The following AP3S2 variants were observed in gnomAD, a reference collection of about 807,000 sequenced individuals.
AP3S2 encodes adaptor related protein complex 3 subunit sigma 2, also known as AP-3 complex subunit sigma-2.
Under a neutral mutation model 23.4 loss-of-function variants are expected in AP3S2, and 22 were observed. The ratio of observed to expected loss-of-function variants is 0.94; its 90% CI spans 0.67 to 1.34. The LOEUF is 1.34. Among genes scored for constraint, AP3S2 ranks in the 40% most tolerant of loss-of-function variants. The pLI is 0.00. For missense variants in AP3S2, 241 were observed against 236.9 expected, an observed-to-expected ratio of 1.02 and a Z score of -0.11; for synonymous variants, 86 against 87.1, an observed-to-expected ratio of 0.99 and a Z score of 0.07.
chr15:89,835,602 C>A lies in AP3S2; in HGVS notation c.495G>T (p.Val165=), dbSNP rs777422761. The stretch of plus-strand genomic sequence containing the variant: ...GAATCTCTGGCAGGTTGATGTTTTT[C>A]ACAGCAGACACAGCCCGCGCAGGGG... ...SAAPARAVSA[V]KNINLPEIPR... Residue 165 remains valine, a synonymous_variant, in exon 6 of 6, where the codon GTG becomes GTT. Transcript: ENST00000336418. The A allele has an allele frequency of 6.2e-7, 1 of 1,610,012 alleles. No homozygotes were observed. Among genetic ancestry groups the A allele is most frequent in the Non-Finnish European group, 8.5e-7 (1 of 1,178,588 alleles).
intron 3 of AP3S2, among the ~76,000 whole-genome samples, chr15:89,880,528 G>A (rs1033440275): frequency 6.6e-6 from 1 of 152,052 alleles, no homozygotes; most frequent in Non-Finnish European, 1.5e-5. Context: ...ACAAAAATTA[G>A]CCAGGTGCGG....
intron 4 of AP3S2, among the ~76,000 whole-genome samples, chr15:89,848,268 G>A (rs913095528): frequency 6.6e-6 from 1 of 152,256 alleles, no homozygotes; most frequent in Non-Finnish European, 1.5e-5. Context: ...ATTAAAACAT[G>A]AGGATGCCAA....
At chr15:89,871,118 T>C (rs1477910502) in intron 4 of AP3S2, among the ~76,000 whole-genome samples, 2 of 152,216 alleles carry the variant, frequency 1.3e-5, no homozygotes, top group African/African-American at 2.4e-5. Flanking sequence ...CAAAGTTTCA[T>C]TGTCACTGGC....
intron 4 of AP3S2, among the ~76,000 whole-genome samples, chr15:89,839,941 G>T (rs1212397474): frequency 6.6e-6 from 1 of 151,818 alleles, no homozygotes; most frequent in Non-Finnish European, 1.5e-5. Context: ...GATACTATAA[G>T]TGAAACAACC....
Position 89,871,382 on chromosome 15 carries a change from A to T in AP3S2, c.345+93T>A, listed in dbSNP as rs570196344. On this transcript the variant is annotated intron_variant, in intron 4 of 5. Transcript: ENST00000336418. Reference sequence around the variant, plus strand: ...TATCTTAAGAGTAAAAAAAAACAAGAAACAATATGAAGATGTAGAGGTGGC... The same window carrying T: ...TATCTTAAGAGTAAAAAAAAACAAGTAACAATATGAAGATGTAGAGGTGGC... 7 of 1,190,794 alleles carry T rather than the reference A, an allele frequency of 5.9e-6. No individual in the cohort carries two copies. The South Asian group carries it at 1.1e-4, about 18-fold the overall frequency. The allele number at this position is 1,190,794 out of a possible 1,614,324, so 73.8% of individuals were successfully genotyped here. A position where few individuals can be genotyped will look rare whatever the true frequency, so the allele number is the denominator to read the frequency against.
intron 3 of AP3S2, among the ~76,000 whole-genome samples, chr15:89,888,177 T>A (rs1204627464): frequency 2.6e-5 from 4 of 152,138 alleles, no homozygotes; most frequent in Admixed American, 1.3e-4. Flanking sequence ...TATAAAACGA[T>A]GAAATAATGC....
intron 4 of AP3S2, among the ~76,000 whole-genome samples, chr15:89,853,408 T>C (rs1442544041): frequency 3.9e-5 from 6 of 152,236 alleles, no homozygotes; most frequent in Non-Finnish European, 7.3e-5. Context: ...ACATACTATT[T>C]TTATGTGCTA....
chr15:89,835,960 G>A lies in AP3S2; in HGVS notation c.454-317C>T, dbSNP rs542611048. Among the ~76,000 whole-genome samples, 27 of 152,178 alleles carry A rather than the reference G, an allele frequency of 1.8e-4. No homozygotes were observed. The South Asian group carries it at 5.4e-3, about 30-fold the overall frequency. On this transcript the variant is annotated intron_variant, in intron 5 of 5. Transcript: ENST00000336418. ...GGAAAATCGCTTGAACTCAGAAGGC[G>A]GAGGTTGCGGTGAGCTGAGATCACG...
chr15:89,872,267 C>CA (rs1488115428), intron 3 of AP3S2, among the ~76,000 whole-genome samples: 1 of 151,996 alleles, frequency 6.6e-6, no homozygotes, highest in East Asian at 1.9e-4. Flanking sequence ...TAATTTCAGC[C>CA]AAAATTAACT....
At chr15:89,864,026 T>A (rs1258100584) in intron 4 of AP3S2, among the ~76,000 whole-genome samples, 1 of 152,218 alleles carries the variant, frequency 6.6e-6, no homozygotes, top group Non-Finnish European at 1.5e-5. Context: ...GGATTCTGAT[T>A]CCTTGCATCA....
chr15:89,844,522 AT>A (rs1333560464), intron 4 of AP3S2, among the ~76,000 whole-genome samples: 1 of 149,462 alleles, frequency 6.7e-6, no homozygotes, highest in Non-Finnish European at 1.5e-5. Flanking sequence ...TTTTTTTTTA[AT>A]TTCTAAGTAG....
chr15:89,882,639 G>A lies in AP3S2; in HGVS notation c.273+5882C>T, dbSNP rs544680704. Among the ~76,000 whole-genome samples, 5 of 152,280 alleles carry A rather than the reference G, an allele frequency of 3.3e-5. No homozygotes were observed. In the South Asian group the frequency reaches 1.0e-3, roughly 32 times the overall value. On this transcript the variant is annotated intron_variant, in intron 3 of 5. Coordinates refer to ENST00000336418, the MANE Select transcript of AP3S2 (RefSeq NM_005829.5). ...CTCCCAAAGGACTGGGATTACCGGC[G>A]TGACCCACTGTGCTTGGCCAAAAGC...
intron 4 of AP3S2, among the ~76,000 whole-genome samples, chr15:89,866,156 G>A (rs930399913): frequency 2.0e-5 from 3 of 151,020 alleles, no homozygotes; most frequent in East Asian, 2.0e-4. Flanking sequence ...CAGCTACTCC[G>A]GAGGCTGAGA....
chr15:89,837,626 C>G lies in AP3S2; in HGVS notation c.442G>C (p.Glu148Gln). The G allele has an allele frequency of 6.2e-7, 1 of 1,614,182 alleles. No individual in the cohort carries two copies. ...AGCTGCTTACTCACCTCGGATTTCTCCAGCCTGTTTTGAGCCTCAATCTGA... is the reference window on the plus strand; with the variant it reads ...AGCTGCTTACTCACCTCGGATTTCTGCAGCCTGTTTTGAGCCTCAATCTGA... ...VAQIEAQNRL[E>Q]KSEGGLSAAP... The change falls in exon 5 of 6, where the codon GAG becomes CAG. Residue 148 changes from glutamate (E) to glutamine (Q), a missense_variant. Coordinates refer to ENST00000336418, the MANE Select transcript of AP3S2 (RefSeq NM_005829.5).
At chr15:89,853,779 G>A (rs561264656) in intron 4 of AP3S2, among the ~76,000 whole-genome samples, 364 of 110,642 alleles carry the variant, frequency 3.3e-3, no homozygotes, top group Middle Eastern at 0.014. Flanking sequence ...TGGGATGTGA[G>A]GAGCGCCTCT....
intron 4 of AP3S2, among the ~76,000 whole-genome samples, chr15:89,867,925 GGGGTCAGCCCCCCACCC>G: frequency 6.8e-6 from 1 of 147,224 alleles, no homozygotes; most frequent in South Asian, 2.2e-4. Flanking sequence ...GGAGGTGGGG[GGGGTCAGCCCCCCACCC>G]GGCCAGCCGC....
intron 4 of AP3S2, among the ~76,000 whole-genome samples, chr15:89,858,444 A>T (rs1895894264): frequency 1.3e-5 from 2 of 150,276 alleles, no homozygotes; most frequent in South Asian, 4.2e-4. Context: ...TCCATCTCAA[A>T]AAAAGAAAGA....
intron 4 of AP3S2, among the ~76,000 whole-genome samples, chr15:89,863,704 C>T (rs762392854): frequency 3.4e-4 from 52 of 152,178 alleles, no homozygotes; most frequent in Non-Finnish European, 6.9e-4. Context: ...CCGGCCACAT[C>T]TGCTTAAGGT....
chr15:89,882,955 T>C (rs528306031), intron 3 of AP3S2, among the ~76,000 whole-genome samples: 23 of 152,332 alleles, frequency 1.5e-4, no homozygotes, highest in African/African-American at 5.5e-4. Flanking sequence ...GCTCACCACC[T>C]TTGGGACTAC....
Sources: gnomAD v4.1 joint callset for allele counts (sites outside exome capture counted in the v4.1 genomes callset) on GRCh38, gnomAD v4.1.1 for gene constraint, MANE v1.5 for transcripts, NCBI Gene and HGNC (gene_info 2026-07-23, HGNC 2026-07-21) for gene names.